Variants in MGAT5 observed in about 807,000 individuals in gnomAD.
MGAT5 encodes the protein alpha-1,6-mannosylglycoprotein 6-beta-N-acetylglucosaminyltransferase, also known as alpha-1,6-mannosylglycoprotein 6-beta-N-acetylglucosaminyltransferase A.
Under a neutral mutation model 94.3 loss-of-function variants are expected in MGAT5, and 30 were observed. The observed-to-expected ratio is 0.32, with a 90% CI of 0.24 to 0.43. The LOEUF (loss-of-function observed/expected upper bound fraction) is 0.43, where lower values mean the gene tolerates loss of function less well. Ranked by LOEUF, MGAT5 falls within the 20% of genes least tolerant of loss-of-function variation. The pLI is 1.00. For missense variants in MGAT5, 691 were observed against 905.5 expected (o/e 0.76, Z 3.04); for synonymous variants, 310 against 322.9 (o/e 0.96, Z 0.43).
At chr2:134,241,254 C>A (rs1356112366) in intron 1 of MGAT5, among the ~76,000 whole-genome samples, 1 of 152,200 alleles carries the variant, frequency 6.6e-6, no homozygotes, top group African/African-American at 2.4e-5. Flanking sequence ...ACTGTGAGTA[C>A]CCCAAAGAAG....
chr2:134,239,200 G>T (rs1219656245), intron 1 of MGAT5, among the ~76,000 whole-genome samples: 1 of 151,918 alleles, frequency 6.6e-6, no homozygotes, highest in Admixed American at 6.6e-5. Context: ...GGGGTTCACC[G>T]TGTTAGCCAG....
intron 4 of MGAT5, among the ~76,000 whole-genome samples, chr2:134,331,333 CTTTG>C (rs902237129): frequency 3.3e-5 from 5 of 152,000 alleles, no homozygotes; most frequent in East Asian, 1.9e-4. Flanking sequence ...CCTGGCTGGT[CTTTG>C]TTTGTTTTTG....
chr2:134,173,954 C>T (rs1162226725), intron 1 of MGAT5, among the ~76,000 whole-genome samples: 2 of 152,220 alleles, frequency 1.3e-5, no homozygotes, highest in Non-Finnish European at 1.5e-5. Context: ...TGTTCTCCCC[C>T]ACCCAGGTTA....
intron 2 of MGAT5, among the ~76,000 whole-genome samples, chr2:134,281,879 A>AGT (rs1684720173): frequency 1.3e-5 from 2 of 152,234 alleles, no homozygotes; most frequent in African/African-American, 4.8e-5. Flanking sequence ...AGAAGAACAA[A>AGT]GTAAATATTT....
At chr2:134,405,857 G>A (rs1178685682) in intron 11 of MGAT5, among the ~76,000 whole-genome samples, 1 of 152,262 alleles carries the variant, frequency 6.6e-6, no homozygotes, top group Non-Finnish European at 1.5e-5. Context: ...AGGGGTGCAG[G>A]CGTCATTAGT....
intron 2 of MGAT5, among the ~76,000 whole-genome samples, chr2:134,308,855 C>T (rs1175056803): frequency 6.6e-6 from 1 of 152,134 alleles, no homozygotes. Flanking sequence ...GGCAACATAG[C>T]AAGACCTCAT....
chr2:134,296,857 A>G (rs746781820), intron 2 of MGAT5, among the ~76,000 whole-genome samples: 1 of 152,186 alleles, frequency 6.6e-6, no homozygotes, highest in Non-Finnish European at 1.5e-5. Context: ...GAAATGACAC[A>G]ACTTTGATGA....
chr2:134,120,187 A>T, exon 1 of MGAT5: 1 of 226,770 alleles, frequency 4.4e-6, no homozygotes. Context: ...GATCCAGCCC[A>T]GGTAGCCGCG....
intron 1 of MGAT5, among the ~76,000 whole-genome samples, chr2:134,264,748 C>CT (rs963536721): frequency 9.2e-5 from 14 of 152,108 alleles, no homozygotes; most frequent in African/African-American, 3.1e-4. Flanking sequence ...GAGGTTAATT[C>CT]TTTTTTCAAT....
chr2:134,247,249 G>A (rs1682324037), intron 1 of MGAT5, among the ~76,000 whole-genome samples: 1 of 151,532 alleles, frequency 6.6e-6, no homozygotes, highest in Admixed American at 6.6e-5. Flanking sequence ...TGGGAGTCAG[G>A]CAAGCAGCCT....
At chr2:134,317,816 A>G (rs1237701231) in intron 3 of MGAT5, among the ~76,000 whole-genome samples, 3 of 152,054 alleles carry the variant, frequency 2.0e-5, no homozygotes, top group Non-Finnish European at 4.4e-5. Context: ...AGTGGCTCTC[A>G]CTGGTCAGCA....
intron 1 of MGAT5, among the ~76,000 whole-genome samples, chr2:134,265,228 A>G (rs933116497): frequency 6.6e-6 from 1 of 152,222 alleles, no homozygotes; most frequent in Non-Finnish European, 1.5e-5. Flanking sequence ...GATCTGGGAA[A>G]TGAAGGTTTA....
Position 134,225,319 on chromosome 2 carries a change from C to T in MGAT5, c.-142-28943C>T, listed in dbSNP as rs573814327. 7.4e-4 allele frequency among the ~76,000 whole-genome samples: 113 copies of T among 152,232 alleles called. No homozygotes were observed. The South Asian group carries it at 0.022, about 29-fold the overall frequency. ...CCTGGGAGCTTGTTAGAAATGCAGTCTCCTTAGGCCTGCTGATTCAGAATC... is the reference window on the plus strand; with the variant it reads ...CCTGGGAGCTTGTTAGAAATGCAGTTTCCTTAGGCCTGCTGATTCAGAATC... On this transcript the variant is annotated intron_variant, in intron 1 of 16. Transcript: ENST00000409645.
Position 134,450,799 on chromosome 2 carries a change from T to A in MGAT5, c.*1952T>A, listed in dbSNP as rs1466272725. The A allele has an allele frequency of 8.3e-6, 1 of 121,166 alleles. No homozygotes were observed. The highest frequency in any genetic ancestry group is 5.4e-5 in the African/African-American group (1 of 18,618). The allele number at this position is 121,166 out of a possible 1,614,324, so 7.5% of individuals were successfully genotyped here. A position where few individuals can be genotyped will look rare whatever the true frequency, so the allele number is the denominator to read the frequency against. ...TGGTGAGTGAGTGTGTGTGTGTGTG[T>A]GTGTGTGTGTGTGTGTGTGTGTGTG... is the stretch of plus-strand genomic sequence containing the variant. On this transcript the variant is annotated 3_prime_UTR_variant, in exon 16 of 16. Transcript: ENST00000281923.
intron 10 of MGAT5, among the ~76,000 whole-genome samples, chr2:134,380,647 T>C (rs919272344): frequency 4.6e-4 from 70 of 152,348 alleles, no homozygotes; most frequent in Non-Finnish European, 8.1e-4. Flanking sequence ...GTTGGAATGG[T>C]AGCCCTCATT....
chr2:134,156,724 C>T (rs115481276), intron 1 of MGAT5, among the ~76,000 whole-genome samples: 1 of 152,232 alleles, frequency 6.6e-6, no homozygotes, highest in East Asian at 1.9e-4. Flanking sequence ...ACAAGTAGTC[C>T]GTTTCGAGGG....
chr2:134,200,611 C>T (rs1461054943), intron 1 of MGAT5, among the ~76,000 whole-genome samples: 1 of 152,192 alleles, frequency 6.6e-6, no homozygotes, highest in Non-Finnish European at 1.5e-5. Context: ...TTCACTCATT[C>T]AAGGAATAGT....
Position 134,184,745 on chromosome 2 carries a change from A to C in MGAT5, c.-143+64454A>C, listed in dbSNP as rs897073365. Reference sequence around the variant, plus strand: ...TACTGATGTGTCTGTACCCTACTACATTTTGAGAGCAGAGAACATGACTGA... The same window carrying C: ...TACTGATGTGTCTGTACCCTACTACCTTTTGAGAGCAGAGAACATGACTGA... On this transcript the variant is annotated intron_variant, in intron 1 of 16. Coordinates refer to the MGAT5 transcript ENST00000409645. 2.6e-5 allele frequency among the ~76,000 whole-genome samples: 4 copies of C among 152,046 alleles called. 1 individual carries two copies. Among genetic ancestry groups the C allele is most frequent in the African/African-American group, 9.7e-5 (4 of 41,414 alleles).
chr2:134,395,638 A>C (rs1480199800), intron 10 of MGAT5, among the ~76,000 whole-genome samples: 1 of 152,256 alleles, frequency 6.6e-6, no homozygotes, highest in Non-Finnish European at 1.5e-5. Context: ...TAAAAGAACC[A>C]TTAAGTGGTA....
Sources: allele counts gnomAD v4.1 joint callset (sites outside exome capture counted in the v4.1 genomes callset), GRCh38; gene constraint gnomAD v4.1.1; transcripts MANE v1.5; gene names NCBI Gene and HGNC (gene_info 2026-07-23, HGNC 2026-07-21).